The following NUMA1 variants were observed in gnomAD, a reference collection of about 807,000 sequenced individuals.
NUMA1 encodes the protein SP-H antigen.
In NUMA1, 62 loss-of-function variants were observed where a neutral mutation model predicts 237.1. The observed-to-expected ratio is 0.26, with a 90% CI of 0.21 to 0.32. The LOEUF (loss-of-function observed/expected upper bound fraction) is 0.32. NUMA1 is among the 10% of genes least tolerant of loss of function. The pLI, the probability that NUMA1 is intolerant of heterozygous loss-of-function variation, is 1.00. For synonymous variants in NUMA1, 1,028 were observed against 1,066.1 expected, an observed-to-expected ratio of 0.96 and a Z score of 0.70; for missense variants, 2,533 against 2,666.5, an observed-to-expected ratio of 0.95 and a Z score of 1.10.
chr11:72,017,919 T>A, intron 12 of NUMA1, 92 bp from the exon 13 acceptor site: 1 of 1,415,812 alleles, frequency 7.1e-7, no homozygotes, highest in Non-Finnish European at 9.7e-7. Context: ...GCTGGATGCC[T>A]CCAATTATCC....
At chr11:72,012,820 C>T in intron 15 of NUMA1, 75 bp downstream of exon 15, 1 of 1,554,956 alleles carries the variant, frequency 6.4e-7, no homozygotes, top group Non-Finnish European at 8.7e-7. Flanking sequence ...GCTAGAGGCC[C>T]TGGACACAGA....
At chr11:72,003,846 T>C (rs370407554) in intron 26 of NUMA1, 41 bp downstream of exon 26, 2 of 1,599,638 alleles carry the variant, frequency 1.3e-6, no homozygotes, top group Non-Finnish European at 1.7e-6. Context: ...GTGCCCATGC[T>C]CTCATCGGGT....
intron 2 of NUMA1, among the ~76,000 whole-genome samples, chr11:72,050,295 A>C (rs752297126): frequency 2.6e-5 from 4 of 152,134 alleles, no homozygotes; most frequent in Non-Finnish European, 4.4e-5. Flanking sequence ...TCCCTGTCCT[A>C]CACAGCACTG....
Position 72,003,377 on chromosome 11 carries a change from G to A in NUMA1, c.*150C>T, listed in dbSNP as rs527585405. ...GCGCCAGTGAAGGACCAGGGACCAG[G>A]CCAGGGTGCGGGCAGGCATCACTGT... On this transcript the variant is annotated 3_prime_UTR_variant, in exon 27 of 27. Coordinates refer to ENST00000393695, the MANE Select transcript of NUMA1 (RefSeq NM_006185.4). 110 of 772,880 alleles carry A rather than the reference G, an allele frequency of 1.4e-4. No homozygotes were observed. The African/African-American group carries it at 1.6e-3, about 11-fold the overall frequency. The allele number at this position is 772,880 out of a possible 1,614,324, so 47.9% of individuals were successfully genotyped here.
In NUMA1 at chr11:72,013,213, C is replaced by A. The variant is rs764188134; in HGVS notation, c.4290G>T (p.Lys1430Asn). The change falls in exon 15 of 27, where the codon AAG (lysine) becomes AAT (asparagine). Residue 1430 changes from lysine to asparagine, a missense_variant. By Grantham distance (94) the Lys-to-Asn change is moderately conservative (BLOSUM62 0). Transcript: ENST00000393695. The surrounding 1 kb of genome is among the most constrained non-coding windows in gnomAD (Gnocchi z 6.8). ...ERTAQQLRAE[K>N]ASYAEQLSML... Reference sequence around the variant, plus strand: ...TGCTCAGCTGCTCTGCATAGCTGGCCTTCTCTGCCCGCAGCTGCTGAGCTG... The same window carrying A: ...TGCTCAGCTGCTCTGCATAGCTGGCATTCTCTGCCCGCAGCTGCTGAGCTG... 6.2e-7 allele frequency: 1 copy of A among 1,609,992 alleles called. No homozygotes were observed. The highest frequency in any genetic ancestry group is 8.5e-7 in the Non-Finnish European group (1 of 1,180,006).
rs770301161 is a variant in NUMA1 at position 72,004,230 on chromosome 11, T to C, written c.6118A>G (p.Lys2040Glu). 8.1e-6 allele frequency: 13 copies of C among 1,610,314 alleles called. No individual in the cohort carries two copies. The highest frequency in any genetic ancestry group is 2.2e-5 in the East Asian group (1 of 44,862). ...AQKKAAPAST[K>E]QADRRQSMAF... ...CCCTTCAGCCCCAGCCTCACCTGTT[T>C]AGTAGAAGCTGGAGCTGCTTTCTTC... Residue 2040 changes from lysine to glutamate, a missense_variant, in exon 25 of 27, where the codon AAA (lysine) becomes GAA (glutamate). By Grantham distance (56) the Lys-to-Glu change is moderately conservative. Transcript: ENST00000393695.
Position 72,015,943 on chromosome 11 carries a change from T to C in NUMA1, c.1560A>G (p.Glu520=). Residue 520 remains glutamate (E), a synonymous_variant, in exon 15 of 27, where the codon GAA becomes GAG. Transcript: ENST00000393695. This position sits in a 1 kb window ranked among gnomAD's most constrained non-coding sequence, Gnocchi z 4.0. ...LNATIQQQDQ[E]LAGLKQQAKE... is the part of the protein sequence containing the mutation. The stretch of plus-strand genomic sequence containing the variant: ...TGGCCTGCTGCTTCAGGCCAGCCAG[T>C]TCTTGATCCTGTTGCTGGATGGTGG... 6.2e-7 allele frequency: 1 copy of C among 1,614,102 alleles called. No individual in the cohort carries two copies. Among genetic ancestry groups the C allele is most frequent in the Non-Finnish European group, 8.5e-7 (1 of 1,180,016 alleles).
Position 72,015,716 on chromosome 11 carries a change from A to G in NUMA1, c.1787T>C (p.Leu596Ser). Residue 596 changes from leucine (L) to serine (S), a missense_variant, in exon 15 of 27, where the codon TTA (leucine) becomes TCA (serine). Physicochemically the swap from Leu to Ser is moderately radical, Grantham distance 145. Around this residue, in one of 3 missense-constraint regions of NUMA1, gnomAD observed 1,414 missense variants for 1,508.1 expected, o/e 0.94. Transcript: ENST00000393695. The surrounding 1 kb of genome is among the most constrained non-coding windows in gnomAD (Gnocchi z 4.0). ...ATAAEEREAS[L>S]RERDAALKQL... ...CTTGAGAGCCGCATCCCGCTCCCTT[A>G]AGGAGGCCTCTCGCTCCTCTGCAGC... 1 of 1,613,970 alleles carries G rather than the reference A, an allele frequency of 6.2e-7. No homozygotes were observed. The highest frequency in any genetic ancestry group is 8.5e-7 in the Non-Finnish European group (1 of 1,179,998).
chr11:72,025,280 A>G (rs994416133), intron 4 of NUMA1, among the ~76,000 whole-genome samples: 2 of 151,940 alleles, frequency 1.3e-5, no homozygotes, highest in Non-Finnish European at 2.9e-5. Context: ...AGAGGGAGAC[A>G]GCAGGGGGAG....
chr11:72,015,994 C>T lies in NUMA1; in HGVS notation c.1509G>A (p.Leu503=), dbSNP rs1160185515. 5.6e-6 allele frequency: 9 copies of T among 1,613,982 alleles called. No individual in the cohort carries two copies. Among genetic ancestry groups the T allele is most frequent in the Non-Finnish European group, 7.6e-6 (9 of 1,180,032 alleles). Residue 503 remains leucine (L), a synonymous_variant, in exon 15 of 27, where the codon CTG becomes CTA. Transcript: ENST00000393695. This position sits in a 1 kb window ranked among gnomAD's most constrained non-coding sequence, Gnocchi z 4.0. ...GARLTAQVAS[L]TSELTTLNAT... ...CATTGAGTGTGGTGAGCTCAGAGGT[C>T]AGAGAGGCCACCTGGGCAGTCAACC...
intron 20 of NUMA1, chr11:72,007,819 A>T: frequency 5.6e-6 from 2 of 356,140 alleles, no homozygotes; most frequent in Non-Finnish European, 1.1e-5. Flanking sequence ...GCATAATCCA[A>T]TGTCGTCCTG....
At chr11:72,043,480 A>G (rs970026903) in intron 2 of NUMA1, among the ~76,000 whole-genome samples, 1 of 149,758 alleles carries the variant, frequency 6.7e-6, no homozygotes, top group Admixed American at 6.7e-5. Context: ...CATCTGCCTC[A>G]GCCTCCCAAG....
chr11:72,014,695 C>T lies in NUMA1; in HGVS notation c.2808G>A (p.Glu936=). 2 of 1,613,846 alleles carry T rather than the reference C, an allele frequency of 1.2e-6. No homozygotes were observed. The highest frequency in any genetic ancestry group is 2.2e-5 in the East Asian group (1 of 44,886). The change falls in exon 15 of 27, where the codon GAG becomes GAA. Residue 936 remains glutamate, a synonymous_variant. Coordinates refer to ENST00000393695, the MANE Select transcript of NUMA1 (RefSeq NM_006185.4). The surrounding 1 kb of genome is among the most constrained non-coding windows in gnomAD (Gnocchi z 4.6). ...CTGCCCTCGCAGGCTCCTTGACTAACTCCCGGGAGGCTGTTTCCTGCTGCT... is the reference window on the plus strand; with the variant it reads ...CTGCCCTCGCAGGCTCCTTGACTAATTCCCGGGAGGCTGTTTCCTGCTGCT... ...AGEQQETASR[E]LVKEPARAGD...
intron 2 of NUMA1, among the ~76,000 whole-genome samples, chr11:72,053,752 C>T (rs1448938841): frequency 1.3e-5 from 2 of 152,182 alleles, no homozygotes; most frequent in African/African-American, 2.4e-5. Flanking sequence ...ACAGTAGGCC[C>T]TCTGTATCCA....
chr11:72,053,106 A>G (rs1942454893), intron 2 of NUMA1, among the ~76,000 whole-genome samples: 1 of 152,166 alleles, frequency 6.6e-6, no homozygotes, highest in East Asian at 1.9e-4. Context: ...TAAAATGGGA[A>G]TAATAATAGT....
chr11:72,040,101 G>A (rs769422408), intron 2 of NUMA1, among the ~76,000 whole-genome samples: 2 of 152,172 alleles, frequency 1.3e-5, no homozygotes, highest in African/African-American at 4.8e-5. Flanking sequence ...GGGAGTCCTG[G>A]GTAGACCGTC....
At chr11:72,058,800 C>G (rs1305209233) in intron 2 of NUMA1, among the ~76,000 whole-genome samples, 1 of 152,134 alleles carries the variant, frequency 6.6e-6, no homozygotes, top group Non-Finnish European at 1.5e-5. Flanking sequence ...GTCACTTGCA[C>G]ATGCTATCCC....
rs1942539052 is a variant in NUMA1, at chr11:72,054,622, A to G, written c.-33+15220T>C. Reference sequence around the variant, plus strand: ...GTCATGATCTTCATTAGCAAAGATCATGAGGCTAATAAGTAGCAGAATTAA... The same window carrying G: ...GTCATGATCTTCATTAGCAAAGATCGTGAGGCTAATAAGTAGCAGAATTAA... On this transcript the variant is annotated intron_variant, in intron 2 of 26. Coordinates refer to ENST00000393695, the MANE Select transcript of NUMA1 (RefSeq NM_006185.4). Among the ~76,000 whole-genome samples, 5 of 152,192 alleles carry G rather than the reference A, an allele frequency of 3.3e-5. No homozygotes were observed. The South Asian group carries it at 1.0e-3, about 31-fold the overall frequency.
intron 4 of NUMA1, 129 bp from the exon 5 acceptor site, chr11:72,024,482 A>G: frequency 1.2e-6 from 1 of 808,384 alleles, no homozygotes; most frequent in East Asian, 2.5e-5. Context: ...TCCAGATCAG[A>G]TCCTGGAGGC....
Sources: gnomAD v4.1 joint callset for allele counts (sites outside exome capture counted in the v4.1 genomes callset) on GRCh38, gnomAD v4.1.1 for gene constraint, gnomAD v4.1.1 regional missense constraint, Gnocchi (gnomAD v3.1) non-coding constraint, MANE v1.5 for transcripts, NCBI Gene and HGNC (gene_info 2026-07-23, HGNC 2026-07-21) for gene names.